ASIC2: variants seen among roughly 807,000 people sequenced by gnomAD.
The protein encoded by ASIC2 is acid sensing ion channel subunit 2, also known as acid-sensing ion channel 2.
In ASIC2, 25 loss-of-function variants were observed where a neutral mutation model predicts 57.3. The observed-to-expected ratio is 0.44, with a 90% CI of 0.32 to 0.61. The LOEUF is 0.61. ASIC2 is among the 20% of genes least tolerant of loss of function. The probability of loss-of-function intolerance (pLI) is 0.06; values close to 1 mark genes in which losing one functional copy is unlikely to be tolerated. For missense variants in ASIC2, 641 were observed against 738.1 expected (o/e 0.87, Z 1.52); for synonymous variants, 319 against 307.5 (o/e 1.04, Z -0.39).
intron 1 of ASIC2, among the ~76,000 whole-genome samples, chr17:33,783,339 C>T (rs1214920918): frequency 6.6e-6 from 1 of 152,218 alleles, no homozygotes; most frequent in African/African-American, 2.4e-5. Flanking sequence ...GGCCATGTAA[C>T]ATAACCTCTC....
chr17:33,595,732 G>T (rs564645125), intron 1 of ASIC2, among the ~76,000 whole-genome samples: 3 of 152,340 alleles, frequency 2.0e-5, no homozygotes, highest in Non-Finnish European at 4.4e-5. Flanking sequence ...CATCTGCCTT[G>T]CAGGGGGGTT....
intron 1 of ASIC2, among the ~76,000 whole-genome samples, chr17:33,531,842 G>A (rs746629961): frequency 2.3e-4 from 35 of 152,044 alleles, no homozygotes; most frequent in Admixed American, 1.4e-3. Flanking sequence ...TGACTGTCTC[G>A]TGAGCAGAAA....
chr17:34,088,908 G>A (rs906353097), intron 1 of ASIC2, among the ~76,000 whole-genome samples: 7 of 152,186 alleles, frequency 4.6e-5, no homozygotes, highest in Non-Finnish European at 8.8e-5. Flanking sequence ...TATTTGGGTG[G>A]GAGTGACACG....
At chr17:33,715,014 T>TATTATTATTATTATTATTA (rs71144899) in intron 1 of ASIC2, among the ~76,000 whole-genome samples, 1 of 150,126 alleles carries the variant, frequency 6.7e-6, no homozygotes. Context: ...TTATTATTAT[T>TATTATTATTATTATTATTA]TTGAGTCAGG....
intron 1 of ASIC2, among the ~76,000 whole-genome samples, chr17:34,025,406 T>A (rs531851244): frequency 1.3e-5 from 2 of 152,314 alleles, no homozygotes; most frequent in South Asian, 4.1e-4. Context: ...TGGAGTGGAC[T>A]GCTCAGTGTA....
chr17:33,824,988 A>G (rs1912863212), intron 1 of ASIC2, among the ~76,000 whole-genome samples: 1 of 152,180 alleles, frequency 6.6e-6, no homozygotes, highest in African/African-American at 2.4e-5. Context: ...ATAGCATTGA[A>G]CAAGGTGATA....
At chr17:33,615,228 C>A (rs1480402276) in intron 1 of ASIC2, among the ~76,000 whole-genome samples, 1 of 152,086 alleles carries the variant, frequency 6.6e-6, no homozygotes, top group East Asian at 1.9e-4. Context: ...TGGCTAATTT[C>A]AAAGATTTCA....
At chr17:33,073,904 A>G (rs1426396290) in intron 3 of ASIC2, among the ~76,000 whole-genome samples, 1 of 152,202 alleles carries the variant, frequency 6.6e-6, no homozygotes, top group African/African-American at 2.4e-5. Flanking sequence ...TCCTGCCAAC[A>G]GAGGGACAGA....
chr17:33,657,050 G>A (rs1057260321), intron 1 of ASIC2, among the ~76,000 whole-genome samples: 1 of 152,184 alleles, frequency 6.6e-6, no homozygotes, highest in Non-Finnish European at 1.5e-5. Flanking sequence ...GAGTGGCTAG[G>A]GAGAAGGAGG....
chr17:33,468,780 T>TA (rs987370052), intron 1 of ASIC2, among the ~76,000 whole-genome samples: 63 of 152,042 alleles, frequency 4.1e-4, no homozygotes, highest in Non-Finnish European at 7.6e-4. Flanking sequence ...ACACAGCTGG[T>TA]AAAAGTCAAA....
intron 1 of ASIC2, among the ~76,000 whole-genome samples, chr17:33,952,554 G>C (rs1904610792): frequency 6.6e-6 from 1 of 152,152 alleles, no homozygotes; most frequent in Non-Finnish European, 1.5e-5. Context: ...AATGATGGAA[G>C]ATGCCTGGGT....
At chr17:33,876,180 G>T (rs1188964768) in intron 1 of ASIC2, among the ~76,000 whole-genome samples, 1 of 152,096 alleles carries the variant, frequency 6.6e-6, no homozygotes, top group African/African-American at 2.4e-5. Context: ...CGGGACTACG[G>T]TTATGGCCTT....
chr17:33,642,163 A>G (rs1207350475), intron 1 of ASIC2, among the ~76,000 whole-genome samples: 4 of 151,180 alleles, frequency 2.6e-5, no homozygotes, highest in Non-Finnish European at 5.9e-5. Flanking sequence ...TCAGGTAGGA[A>G]GTAAGCAATA....
At chr17:33,591,151 C>T (rs370782060) in intron 1 of ASIC2, among the ~76,000 whole-genome samples, 3 of 152,282 alleles carry the variant, frequency 2.0e-5, no homozygotes, top group African/African-American at 7.2e-5. Flanking sequence ...TTAAGTAACT[C>T]CTTTGCTTTC....
At chr17:33,066,479 A>G (rs1258898245) in intron 3 of ASIC2, among the ~76,000 whole-genome samples, 2 of 152,152 alleles carry the variant, frequency 1.3e-5, no homozygotes, top group African/African-American at 4.8e-5. Flanking sequence ...GGATGTCCTC[A>G]TGGGCCATTT....
At chr17:34,110,438 C>A (rs1398775917) in intron 1 of ASIC2, among the ~76,000 whole-genome samples, 1 of 152,220 alleles carries the variant, frequency 6.6e-6, no homozygotes, top group African/African-American at 2.4e-5. Flanking sequence ...GCTCTCCCAG[C>A]CTCTCTGCTG....
At chr17:33,723,274 GATGATTTCATTCCAAACACTCT>G (rs1223430884) in intron 1 of ASIC2, among the ~76,000 whole-genome samples, 2 of 151,942 alleles carry the variant, frequency 1.3e-5, no homozygotes, top group Non-Finnish European at 2.9e-5. Flanking sequence ...CAAACACATG[GATGATTTCATTCCAAACACTCT>G]ATGATTCCAT....
At chr17:34,003,984 C>A (rs1906436098) in intron 1 of ASIC2, 2 of 152,184 alleles carry the variant, frequency 1.3e-5, no homozygotes, top group African/African-American at 4.8e-5. Flanking sequence ...CCATCTGATG[C>A]CTGAACTTGA....
Position 33,351,880 on chromosome 17 carries a change from G to A in ASIC2, c.556-239813C>T, listed in dbSNP as rs114719862. 2.2e-3 allele frequency among the ~76,000 whole-genome samples: 328 copies of A among 152,176 alleles called. 1 individual carries two copies. Among genetic ancestry groups the A allele is most frequent in the African/African-American group, 7.8e-3 (324 of 41,520 alleles). ...GCTGGGGGATGAGGATGGGGGAGTC[G>A]GAACCTCTTGGTTCTGGCCCTGCCA... On this transcript the variant is annotated intron_variant, in intron 1 of 9. Transcript: ENST00000359872.
Sources: gnomAD v4.1 joint callset for allele counts (sites outside exome capture counted in the v4.1 genomes callset) on GRCh38, gnomAD v4.1.1 for gene constraint, MANE v1.5 for transcripts, NCBI Gene and HGNC (gene_info 2026-07-23, HGNC 2026-07-21) for gene names.